Variants in IQGAP2 observed in about 807,000 individuals in gnomAD.
The protein encoded by IQGAP2 is ras GTPase-activating-like protein IQGAP2.
Under a neutral mutation model 201.3 loss-of-function variants are expected in IQGAP2, and 173 were observed. The ratio of observed to expected loss-of-function variants is 0.86; its 90% CI spans 0.76 to 0.98. IQGAP2 has a LOEUF of 0.98. Ranked by LOEUF, IQGAP2 falls within the 50% of genes least tolerant of loss-of-function variation. The pLI, the probability that IQGAP2 is intolerant of heterozygous loss-of-function variation, is 0.00. For missense variants in IQGAP2, 1,687 were observed against 1,864.8 expected (o/e 0.90, Z 1.76); for synonymous variants, 675 against 673.9 (o/e 1.00, Z -0.03).
chr5:76,565,685 T>TG (rs1744696040), intron 3 of IQGAP2, among the ~76,000 whole-genome samples: 1 of 152,166 alleles, frequency 6.6e-6, no homozygotes, highest in African/African-American at 2.4e-5. Context: ...AGTAGGAACT[T>TG]GGGGAATAGC....
intron 2 of IQGAP2, among the ~76,000 whole-genome samples, chr5:76,537,697 T>C (rs544006068): frequency 1.3e-5 from 2 of 152,320 alleles, no homozygotes; most frequent in East Asian, 3.9e-4. Context: ...TGTGAGCAGC[T>C]GCCAATTCTA....
At chr5:76,453,250 G>T (rs1213379459) in intron 1 of IQGAP2, among the ~76,000 whole-genome samples, 1 of 152,130 alleles carries the variant, frequency 6.6e-6, no homozygotes, top group African/African-American at 2.4e-5. Flanking sequence ...CAGGGACTAA[G>T]AAGTAATATA....
At chr5:76,515,899 A>T (rs9293686) in intron 2 of IQGAP2, among the ~76,000 whole-genome samples, 2 of 133,340 alleles carry the variant, frequency 1.5e-5, no homozygotes, top group African/African-American at 2.9e-5. Flanking sequence ...TTTTTTTGAG[A>T]TAGAGTCTTA....
intron 4 of IQGAP2, among the ~76,000 whole-genome samples, chr5:76,573,659 T>G (rs1274186080): frequency 2.0e-5 from 3 of 149,134 alleles, no homozygotes; most frequent in Admixed American, 6.6e-5. Context: ...TCGCCCAGGC[T>G]GGACTGCAGT....
At chr5:76,507,518 TGAAA>T (rs1187334512) in intron 2 of IQGAP2, among the ~76,000 whole-genome samples, 1 of 152,076 alleles carries the variant, frequency 6.6e-6, no homozygotes, top group Admixed American at 6.6e-5. Context: ...ACATGATCTG[TGAAA>T]GAAAGAATCG....
chr5:76,467,226 C>T (rs942429526), intron 2 of IQGAP2, among the ~76,000 whole-genome samples: 14 of 152,208 alleles, frequency 9.2e-5, no homozygotes, highest in South Asian at 2.1e-4. Context: ...TCTACTCTAA[C>T]CTGGGTGACA....
At chr5:76,506,806 A>G (rs1307357385) in intron 2 of IQGAP2, among the ~76,000 whole-genome samples, 7 of 152,256 alleles carry the variant, frequency 4.6e-5, no homozygotes, top group Non-Finnish European at 1.0e-4. Flanking sequence ...GTATAAGTCT[A>G]ACAAAACATG....
At chr5:76,591,073 G>T (rs967322547) in intron 8 of IQGAP2, among the ~76,000 whole-genome samples, 1 of 152,094 alleles carries the variant, frequency 6.6e-6, no homozygotes, top group Non-Finnish European at 1.5e-5. Flanking sequence ...CTCCAGCCTG[G>T]GCAACAGACT....
intron 32 of IQGAP2, among the ~76,000 whole-genome samples, 169 bp downstream of exon 32, chr5:76,695,835 C>CTTTTTTTTTTTTTTTTTTTTTT (rs56984768): frequency 1.2e-5 from 1 of 83,092 alleles, no homozygotes; most frequent in Non-Finnish European, 2.1e-5. Flanking sequence ...CAGTTGATGA[C>CTTTTTTTTTTTTTTTTTTTTTT]TTTTTTTTTT....
chr5:76,573,829 G>A (rs1211710442), intron 4 of IQGAP2, among the ~76,000 whole-genome samples: 1 of 148,442 alleles, frequency 6.7e-6, no homozygotes, highest in Non-Finnish European at 1.5e-5. Flanking sequence ...TCACCATGTT[G>A]GTCAGGCTGG....
At chr5:76,545,790 A>T (rs1361731372) in intron 2 of IQGAP2, among the ~76,000 whole-genome samples, 1 of 152,202 alleles carries the variant, frequency 6.6e-6, no homozygotes, top group Non-Finnish European at 1.5e-5. Context: ...CATGACAAAA[A>T]GTGCATGTAC....
At chr5:76,505,592 G>A (rs926405965) in intron 2 of IQGAP2, among the ~76,000 whole-genome samples, 2 of 152,108 alleles carry the variant, frequency 1.3e-5, no homozygotes, top group Non-Finnish European at 2.9e-5. Context: ...TAACAAGCTT[G>A]GGGAGCTGTA....
At chr5:76,492,703 G>C (rs1481725958) in intron 2 of IQGAP2, among the ~76,000 whole-genome samples, 2 of 152,132 alleles carry the variant, frequency 1.3e-5, no homozygotes, top group African/African-American at 4.8e-5. Context: ...GAAAGCAGAG[G>C]AATACTGGGC....
intron 2 of IQGAP2, among the ~76,000 whole-genome samples, chr5:76,504,412 G>C (rs1186458887): frequency 1.3e-5 from 2 of 151,952 alleles, no homozygotes; most frequent in Non-Finnish European, 2.9e-5. Context: ...CTATTTTACT[G>C]CCACTCTCCC....
At chr5:76,435,772 G>A (rs897359370) in intron 1 of IQGAP2, among the ~76,000 whole-genome samples, 8 of 152,110 alleles carry the variant, frequency 5.3e-5, no homozygotes, top group Non-Finnish European at 1.2e-4. Context: ...GATTGCTTTA[G>A]GCAGTATGGT....
intron 33 of IQGAP2, chr5:76,699,254 A>G (rs968382787): frequency 3.9e-5 from 6 of 152,178 alleles, no homozygotes; most frequent in African/African-American, 1.4e-4. Context: ...CACTTAGCAT[A>G]GTGTCCTCTA....
At chr5:76,618,750 TA>T in intron 13 of IQGAP2, 1 of 1,029,410 alleles carries the variant, frequency 9.7e-7, no homozygotes, top group Non-Finnish European at 1.4e-6. Flanking sequence ...AGATCATTTT[TA>T]TTTTAAAAAG....
chr5:76,624,526 C>G (rs754877429), intron 13 of IQGAP2: 14 of 152,098 alleles, frequency 9.2e-5, no homozygotes, highest in Non-Finnish European at 1.8e-4. Context: ...TATGGTTATA[C>G]AAACTGAGAT....
intron 1 of IQGAP2, among the ~76,000 whole-genome samples, chr5:76,434,487 C>T (rs540983234): frequency 6.6e-6 from 1 of 152,274 alleles, no homozygotes; most frequent in African/African-American, 2.4e-5. Context: ...GAACAATGAC[C>T]TCCAGCTCCA....
Sources: allele counts gnomAD v4.1 joint callset (sites outside exome capture counted in the v4.1 genomes callset), GRCh38; gene constraint gnomAD v4.1.1; transcripts MANE v1.5; gene names NCBI Gene and HGNC (gene_info 2026-07-23, HGNC 2026-07-21).